The following STK3 variants were observed in gnomAD, a reference collection of about 807,000 sequenced individuals.
STK3 encodes serine/threonine-protein kinase 3.
A neutral mutation model predicts 58.0 loss-of-function variants in STK3; 41 were observed. The ratio of observed to expected loss-of-function variants is 0.71; its 90% CI spans 0.55 to 0.92. The LOEUF (loss-of-function observed/expected upper bound fraction) is 0.92. STK3 is among the 40% of genes least tolerant of loss of function. The pLI is 0.00. For missense variants in STK3, 479 were observed against 602.7 expected (o/e 0.79, Z 2.15); for synonymous variants, 170 against 191.0 (o/e 0.89, Z 0.91).
chr8:98,869,635 G>T (rs996828076), intron 3 of STK3, among the ~76,000 whole-genome samples: 12 of 152,190 alleles, frequency 7.9e-5, no homozygotes, highest in Non-Finnish European at 1.0e-4. Context: ...CGAAAGCTGG[G>T]AGAGGCAAGG....
intron 10 of STK3, among the ~76,000 whole-genome samples, chr8:98,479,059 T>A (rs957967962): frequency 5.3e-5 from 8 of 152,160 alleles, no homozygotes; most frequent in African/African-American, 1.9e-4. Context: ...AAGAATGCCA[T>A]AGTGAGGATG....
exon 3 of STK3, chr8:98,371,677 A>G (rs961481900): frequency 6.6e-6 from 1 of 152,216 alleles, no homozygotes; most frequent in East Asian, 1.9e-4. Flanking sequence ...TAGTCCCCAC[A>G]CCTGCAGGAG....
At chr8:98,791,508 G>C (rs1030193622) in intron 1 of STK3, among the ~76,000 whole-genome samples, 5 of 152,136 alleles carry the variant, frequency 3.3e-5, no homozygotes, top group African/African-American at 1.2e-4. Context: ...AGCCCACATA[G>C]CCAAAGCAAG....
At chr8:98,717,382 C>G (rs1827100540) in intron 4 of STK3, among the ~76,000 whole-genome samples, 1 of 151,986 alleles carries the variant, frequency 6.6e-6, no homozygotes, top group Non-Finnish European at 1.5e-5. Context: ...GACATTTCTC[C>G]AAAGGTATAC....
Position 98,548,023 on chromosome 8 carries a change from C to T in STK3, c.1087G>A (p.Gly363Arg). ...TCCTCACTGTTTATCACCATGGTCC[C>T]CAAGTCGGATTCCAACATCGTGCTA... ...HNSTMLESDLGTMVINSEDEE... is the reference protein window; with the variant it reads ...HNSTMLESDLRTMVINSEDEE... Residue 363 changes from glycine (G) to arginine (R), a missense_variant, in exon 9 of 11, where the codon GGG (glycine) becomes AGG (arginine). Physicochemically the swap from Gly to Arg is moderately radical, Grantham distance 125. This residue lies in a region of STK3 where 309 missense variants were observed against 355.7 expected (regional missense o/e 0.87). Coordinates refer to ENST00000419617, the MANE Select transcript of STK3 (RefSeq NM_006281.4). The T allele has an allele frequency of 6.2e-7, 1 of 1,609,796 alleles. No individual in the cohort carries two copies.
chr8:98,687,913 A>C (rs778457741), intron 6 of STK3, among the ~76,000 whole-genome samples: 4 of 152,356 alleles, frequency 2.6e-5, no homozygotes, highest in South Asian at 2.1e-4. Flanking sequence ...TGATGGGAAC[A>C]AAACCTCACA....
chr8:98,893,528 GAA>G (rs1838333299), intron 1 of STK3, among the ~76,000 whole-genome samples: 1 of 132,710 alleles, frequency 7.5e-6, no homozygotes, highest in Admixed American at 7.8e-5. Context: ...AAGAAAGAAA[GAA>G]AGAAAGAAAA....
intron 7 of STK3, among the ~76,000 whole-genome samples, chr8:98,581,591 A>G (rs925677084): frequency 2.1e-4 from 32 of 151,810 alleles, no homozygotes; most frequent in African/African-American, 7.2e-4. Context: ...GTTTGGCTAG[A>G]GTAGAACGGT....
chr8:98,679,886 G>T (rs1379595614), intron 6 of STK3, among the ~76,000 whole-genome samples: 1 of 152,186 alleles, frequency 6.6e-6, no homozygotes, highest in Non-Finnish European at 1.5e-5. Context: ...ATTTTCTCAA[G>T]CCTAAAAGGG....
At chr8:98,802,977 C>CA (rs915755247) in intron 1 of STK3, among the ~76,000 whole-genome samples, 166 of 152,254 alleles carry the variant, frequency 1.1e-3, no homozygotes, top group Non-Finnish European at 1.4e-3. Context: ...ATCCCCAGCA[C>CA]AAAAAACTGT....
At chr8:98,653,792 G>A (rs1821199884) in intron 6 of STK3, among the ~76,000 whole-genome samples, 1 of 152,104 alleles carries the variant, frequency 6.6e-6, no homozygotes. Flanking sequence ...GGAAGAAGTT[G>A]AATCTCTGAA....
At chr8:98,883,708 C>T (rs1587798695), downstream of STK3, 1 of 702,870 alleles carries the variant, frequency 1.4e-6, no homozygotes, top group African/African-American at 1.7e-5. Context: ...ACAGAGGCTG[C>T]TCCGTTCCTA....
intron 1 of STK3, among the ~76,000 whole-genome samples, chr8:98,889,572 C>T (rs1316714132): frequency 6.6e-6 from 1 of 152,206 alleles, no homozygotes; most frequent in Admixed American, 6.5e-5. Flanking sequence ...TTCATCTTAT[C>T]TCCAGTGTCC....
At position 98,738,881 on chromosome 8, in the gene STK3, C is replaced by T. The variant is rs867780590; in HGVS notation, c.351+10395G>A. ...AGGGCACCTGGAAAATCGGGTCACT[C>T]CCACCCGAATACTGCGCTTTTCCGA... On this transcript the variant is annotated intron_variant, in intron 4 of 10. Coordinates refer to ENST00000419617, the MANE Select transcript of STK3 (RefSeq NM_006281.4). 3.3e-5 allele frequency among the ~76,000 whole-genome samples: 5 copies of T among 152,366 alleles called. No individual in the cohort carries two copies. In the South Asian group the frequency reaches 1.0e-3, roughly 32 times the overall value.
chr8:98,541,352 G>A (rs1810257878), intron 9 of STK3, among the ~76,000 whole-genome samples: 1 of 152,016 alleles, frequency 6.6e-6, no homozygotes, highest in African/African-American at 2.4e-5. Context: ...TTGTTTAAAA[G>A]TGTATAGCCC....
At chr8:98,664,270 CA>C (rs937280507) in intron 6 of STK3, among the ~76,000 whole-genome samples, 18 of 151,460 alleles carry the variant, frequency 1.2e-4, no homozygotes, top group Non-Finnish European at 1.8e-4. Flanking sequence ...TAACCACCAC[CA>C]AAAAAAAGGG....
At chr8:98,466,958 C>T (rs1024957081) in intron 10 of STK3, among the ~76,000 whole-genome samples, 5 of 152,100 alleles carry the variant, frequency 3.3e-5, no homozygotes, top group African/African-American at 1.2e-4. Flanking sequence ...TTAGTTATCC[C>T]GCAGGCCTCG....
At chr8:98,431,642 G>T (rs1818331866) in intron 3 of STK3, 1 of 167,060 alleles carries the variant, frequency 6.0e-6, no homozygotes, top group Admixed American at 6.5e-5. Context: ...AAGGAACAAG[G>T]CAGAATAACT....
chr8:98,405,518 G>A (rs1817985320), intron 3 of STK3, among the ~76,000 whole-genome samples: 1 of 152,088 alleles, frequency 6.6e-6, no homozygotes, highest in Non-Finnish European at 1.5e-5. Flanking sequence ...CACTGTGCGT[G>A]GAATGTAACT....
Sources: allele counts gnomAD v4.1 joint callset (sites outside exome capture counted in the v4.1 genomes callset), GRCh38; gene constraint gnomAD v4.1.1; regional missense constraint gnomAD v4.1.1; transcripts MANE v1.5; gene names NCBI Gene and HGNC (gene_info 2026-07-23, HGNC 2026-07-21).